STARD13: variants seen among roughly 807,000 people sequenced by gnomAD.
The protein encoded by STARD13 is StAR related lipid transfer domain containing 13.
A neutral mutation model predicts 106.4 loss-of-function variants in STARD13; 62 were observed. The ratio of observed to expected loss-of-function variants is 0.58; its 90% CI spans 0.48 to 0.72. The LOEUF is 0.72. STARD13 is among the 30% of genes least tolerant of loss of function. The pLI, the probability that STARD13 is intolerant of heterozygous loss-of-function variation, is 0.00. For missense variants in STARD13, 1,387 were observed against 1,424.0 expected (o/e 0.97, Z 0.42); for synonymous variants, 565 against 553.0 (o/e 1.02, Z -0.31).
At chr13:33,645,406 G>C in the STARD13 span, among the ~76,000 whole-genome samples, 4 of 152,166 alleles carry the variant, frequency 2.6e-5, no homozygotes, top group Admixed American at 6.5e-5. Flanking sequence ...GATTCACCCA[G>C]CTGAGCTCAG....
intron 1 of STARD13, among the ~76,000 whole-genome samples, chr13:33,186,822 T>C (rs1345765253): frequency 6.6e-6 from 1 of 152,186 alleles, no homozygotes; most frequent in African/African-American, 2.4e-5. Flanking sequence ...TTAAAAATTA[T>C]CTTTGGTATA....
chr13:33,626,022 A>T, the STARD13 span, among the ~76,000 whole-genome samples: 1 of 152,212 alleles, frequency 6.6e-6, no homozygotes, highest in African/African-American at 2.4e-5. Flanking sequence ...ATTTAAAATT[A>T]TTCTGTTCTG....
chr13:33,403,757 G>T, the STARD13 span, among the ~76,000 whole-genome samples: 1 of 152,104 alleles, frequency 6.6e-6, no homozygotes, highest in Admixed American at 6.5e-5. Context: ...TGGGTGCCAG[G>T]TTATAGAAAA....
At chr13:33,523,994 G>A in the STARD13 span, among the ~76,000 whole-genome samples, 1 of 151,998 alleles carries the variant, frequency 6.6e-6, no homozygotes, top group Non-Finnish European at 1.5e-5. Flanking sequence ...TGGACTAACC[G>A]TTTTACCTTC....
At chr13:33,429,532 A>G in the STARD13 span, among the ~76,000 whole-genome samples, 785 of 152,246 alleles carry the variant, frequency 5.2e-3, 7 homozygotes, top group African/African-American at 0.016. Context: ...TCAAAAAAAA[A>G]AAAAGAAAAG....
intron 1 of STARD13, among the ~76,000 whole-genome samples, chr13:33,210,528 C>T (rs1887661033): frequency 6.6e-6 from 1 of 152,152 alleles, no homozygotes. Context: ...CGTTAATGTA[C>T]ATAAAATGCT....
chr13:33,542,674 C>T, the STARD13 span, among the ~76,000 whole-genome samples: 1 of 152,256 alleles, frequency 6.6e-6, no homozygotes, highest in African/African-American at 2.4e-5. Flanking sequence ...GGTTCTGGCC[C>T]CGCCCTCACG....
At chr13:33,232,786 C>T (rs1009346721) in intron 1 of STARD13, among the ~76,000 whole-genome samples, 2 of 152,216 alleles carry the variant, frequency 1.3e-5, no homozygotes, top group African/African-American at 4.8e-5. Context: ...GGGAATGAAA[C>T]TCACTCAATC....
At chr13:33,234,587 T>C (rs1428783951) in intron 1 of STARD13, among the ~76,000 whole-genome samples, 2 of 152,250 alleles carry the variant, frequency 1.3e-5, no homozygotes, top group African/African-American at 4.8e-5. Flanking sequence ...TTTAATGTTA[T>C]GAAATGTTAG....
At chr13:33,265,856 A>G (rs1890870499) in intron 1 of STARD13, among the ~76,000 whole-genome samples, 1 of 152,112 alleles carries the variant, frequency 6.6e-6, no homozygotes, top group Admixed American at 6.6e-5. Flanking sequence ...CAGAAGGTAC[A>G]GTAATAAATT....
At chr13:33,304,634 C>T (rs889002809) in intron 1 of STARD13, among the ~76,000 whole-genome samples, 15 of 151,800 alleles carry the variant, frequency 9.9e-5, no homozygotes, top group Non-Finnish European at 2.1e-4. Context: ...TCCCTGATAG[C>T]CACACCTTCT....
At chr13:33,338,091 G>A (rs2077916912) in intron 1 of STARD13, among the ~76,000 whole-genome samples, 2 of 152,192 alleles carry the variant, frequency 1.3e-5, no homozygotes, top group African/African-American at 4.8e-5. Flanking sequence ...AGTTCCAATA[G>A]CAGAAGGTAC....
intron 1 of STARD13, among the ~76,000 whole-genome samples, chr13:33,257,106 T>A (rs928759529): frequency 6.6e-6 from 1 of 152,230 alleles, no homozygotes; most frequent in Non-Finnish European, 1.5e-5. Flanking sequence ...GAAGAGATCA[T>A]GACTATATAA....
chr13:33,463,535 G>A, the STARD13 span, among the ~76,000 whole-genome samples: 8 of 152,134 alleles, frequency 5.3e-5, no homozygotes, highest in Admixed American at 4.6e-4. Flanking sequence ...ATTTGGTCCA[G>A]TGTCCAAGAC....
intron 4 of STARD13, among the ~76,000 whole-genome samples, chr13:33,134,380 C>T (rs1878772910): frequency 6.6e-6 from 1 of 152,212 alleles, no homozygotes; most frequent in African/African-American, 2.4e-5. Flanking sequence ...AGCCCGTGAG[C>T]CATGGGTTGG....
At chr13:33,225,160 A>C (rs1888556871) in intron 1 of STARD13, among the ~76,000 whole-genome samples, 1 of 152,262 alleles carries the variant, frequency 6.6e-6, no homozygotes, top group East Asian at 1.9e-4. Flanking sequence ...AACATTATGA[A>C]TATCAGACAC....
the STARD13 span, among the ~76,000 whole-genome samples, chr13:33,577,319 C>T: frequency 6.6e-6 from 1 of 152,160 alleles, no homozygotes; most frequent in African/African-American, 2.4e-5. Context: ...CACTGTTTAA[C>T]AGGTTTTCCC....
intron 1 of STARD13, among the ~76,000 whole-genome samples, chr13:33,264,290 A>G (rs1890789573): frequency 6.6e-6 from 1 of 152,194 alleles, no homozygotes; most frequent in Admixed American, 6.5e-5. Context: ...CCATGAGCAT[A>G]ATAACATGGT....
chr13:33,263,402 C>T (rs1319329155), intron 1 of STARD13, among the ~76,000 whole-genome samples: 1 of 152,152 alleles, frequency 6.6e-6, no homozygotes, highest in Admixed American at 6.5e-5. Context: ...AATTCTACCT[C>T]CCAAGGATTC....
Sources: gnomAD v4.1 joint callset for allele counts (sites outside exome capture counted in the v4.1 genomes callset) on GRCh38, gnomAD v4.1.1 for gene constraint, MANE v1.5 for transcripts, NCBI Gene and HGNC (gene_info 2026-07-23, HGNC 2026-07-21) for gene names.